Variants in CLNK observed in about 807,000 individuals in gnomAD.
CLNK encodes cytokine-dependent hematopoietic cell linker.
In CLNK, 74 loss-of-function variants were observed where a neutral mutation model predicts 68.6. The ratio of observed to expected loss-of-function variants is 1.08; its 90% CI spans 0.89 to 1.31. The LOEUF is 1.31. CLNK is among the 50% of genes most tolerant of loss of function. The probability of loss-of-function intolerance (pLI) is 0.00; values close to 1 mark genes in which losing one functional copy is unlikely to be tolerated. For synonymous variants in CLNK, 198 were observed against 172.2 expected, an observed-to-expected ratio of 1.15 and a Z score of -1.17; for missense variants, 553 against 515.3, an observed-to-expected ratio of 1.07 and a Z score of -0.71.
intron 1 of CLNK, among the ~76,000 whole-genome samples, chr4:10,679,452 A>T (rs1461332920): frequency 3.3e-5 from 5 of 152,234 alleles, no homozygotes; most frequent in Admixed American, 1.3e-4. Flanking sequence ...GGACATAGGC[A>T]TGGGCAAGGA....
chr4:10,673,132 G>A (rs866983164), intron 1 of CLNK, among the ~76,000 whole-genome samples: 7 of 152,296 alleles, frequency 4.6e-5, no homozygotes, highest in African/African-American at 7.2e-5. Context: ...AAGAAGTAAA[G>A]TCCAGGCTCT....
At chr4:10,575,474 C>T (rs1720526688) in intron 4 of CLNK, among the ~76,000 whole-genome samples, 2 of 152,268 alleles carry the variant, frequency 1.3e-5, no homozygotes, top group African/African-American at 4.8e-5. Context: ...TAAAGAGCGC[C>T]TCTCCAGCGC....
chr4:10,644,239 T>A (rs1723424774), intron 2 of CLNK, among the ~76,000 whole-genome samples: 1 of 152,234 alleles, frequency 6.6e-6, no homozygotes, highest in Non-Finnish European at 1.5e-5. Context: ...TTGCTTTATA[T>A]ACAAAGACAA....
chr4:10,728,572 G>C, the CLNK span, among the ~76,000 whole-genome samples: 5 of 148,360 alleles, frequency 3.4e-5, no homozygotes, highest in African/African-American at 1.2e-4. Flanking sequence ...ATCTGTGTGT[G>C]ATGTATCCTT....
intron 2 of CLNK, among the ~76,000 whole-genome samples, chr4:10,601,031 G>C (rs971046462): frequency 5.3e-5 from 8 of 152,152 alleles, no homozygotes; most frequent in Non-Finnish European, 1.2e-4. Flanking sequence ...TTTAAGAAGA[G>C]AGCTGGACTC....
At chr4:10,607,532 G>T (rs1196387414) in intron 2 of CLNK, among the ~76,000 whole-genome samples, 1 of 152,192 alleles carries the variant, frequency 6.6e-6, no homozygotes, top group African/African-American at 2.4e-5. Context: ...GTATCTCCTT[G>T]TGCCTTTGCA....
chr4:10,594,473 G>A (rs771149558), intron 3 of CLNK, among the ~76,000 whole-genome samples: 1 of 152,194 alleles, frequency 6.6e-6, no homozygotes, highest in East Asian at 1.9e-4. Flanking sequence ...TTCAACATGG[G>A]TGCCTGGGCT....
At chr4:10,497,178 T>C (rs1716843726) in intron 18 of CLNK, among the ~76,000 whole-genome samples, 1 of 152,212 alleles carries the variant, frequency 6.6e-6, no homozygotes, top group Non-Finnish European at 1.5e-5. Flanking sequence ...GAAATATTGA[T>C]AGCACCTACC....
At chr4:10,668,936 G>A (rs2087763799) in intron 1 of CLNK, among the ~76,000 whole-genome samples, 1 of 152,216 alleles carries the variant, frequency 6.6e-6, no homozygotes, top group Middle Eastern at 3.2e-3. Context: ...TGGGCTCCCA[G>A]ATGAGAGGAA....
At chr4:10,721,492 G>A in the CLNK span, among the ~76,000 whole-genome samples, 1 of 152,134 alleles carries the variant, frequency 6.6e-6, no homozygotes, top group Non-Finnish European at 1.5e-5. Context: ...ATGTTGTAGT[G>A]GAAAGAAGTG....
chr4:10,611,553 G>T (rs1006855046), intron 2 of CLNK, among the ~76,000 whole-genome samples: 1 of 152,030 alleles, frequency 6.6e-6, no homozygotes, highest in African/African-American at 2.4e-5. Flanking sequence ...AAGCTGGGAG[G>T]GGCCTCCCGT....
At chr4:10,598,159 T>C in intron 2 of CLNK, 110 bp from the exon 3 acceptor site, 2 of 702,928 alleles carry the variant, frequency 2.8e-6, no homozygotes, top group Non-Finnish European at 4.8e-6. Flanking sequence ...TTTAAGTAAT[T>C]ATGTCTCACA....
chr4:10,722,152 C>T, the CLNK span, among the ~76,000 whole-genome samples: 6 of 151,962 alleles, frequency 3.9e-5, no homozygotes, highest in African/African-American at 9.7e-5. Flanking sequence ...CCAGATTGAG[C>T]GAGAGAGACC....
At chr4:10,594,989 TG>T (rs1173111995) in intron 3 of CLNK, among the ~76,000 whole-genome samples, 1 of 152,096 alleles carries the variant, frequency 6.6e-6, no homozygotes, top group Non-Finnish European at 1.5e-5. Context: ...AGCTACTGGC[TG>T]GGGGGCTGAG....
intron 2 of CLNK, among the ~76,000 whole-genome samples, chr4:10,638,228 A>T (rs1723171808): frequency 6.6e-6 from 1 of 152,236 alleles, no homozygotes; most frequent in Admixed American, 6.5e-5. Flanking sequence ...TGCTCTACTC[A>T]GGATTCGTAA....
chr4:10,563,482 A>C (rs1448893892), intron 7 of CLNK, among the ~76,000 whole-genome samples: 1 of 152,240 alleles, frequency 6.6e-6, no homozygotes, highest in Non-Finnish European at 1.5e-5. Flanking sequence ...TTTGTCTACA[A>C]AAATTATACT....
At chr4:10,709,514 A>G in the CLNK span, among the ~76,000 whole-genome samples, 1 of 152,232 alleles carries the variant, frequency 6.6e-6, no homozygotes, top group African/African-American at 2.4e-5. Flanking sequence ...TACTTTGGAC[A>G]CGGAGAATTG....
intron 11 of CLNK, among the ~76,000 whole-genome samples, 169 bp downstream of exon 11, chr4:10,540,325 T>A (rs1034726321): frequency 1.3e-5 from 2 of 152,352 alleles, no homozygotes; most frequent in East Asian, 3.9e-4. Context: ...CAATTAAACC[T>A]CTTTTCTTTA....
the CLNK span, among the ~76,000 whole-genome samples, chr4:10,698,189 G>A: frequency 1.3e-5 from 2 of 152,152 alleles, no homozygotes; most frequent in Non-Finnish European, 2.9e-5. Context: ...CTCTGGTGGT[G>A]AGAGTGGTGT....
Sources: allele counts gnomAD v4.1 joint callset (sites outside exome capture counted in the v4.1 genomes callset), GRCh38; gene constraint gnomAD v4.1.1; transcripts MANE v1.5; gene names NCBI Gene and HGNC (gene_info 2026-07-23, HGNC 2026-07-21).